Variants in PCDH15 observed in about 807,000 individuals in gnomAD.
PCDH15 encodes the protein protocadherin-15.
Under a neutral mutation model 178.5 loss-of-function variants are expected in PCDH15, and 129 were observed. That is an observed-to-expected ratio of 0.72 (90% CI 0.63 to 0.84). The LOEUF (loss-of-function observed/expected upper bound fraction) is 0.84. Ranked by LOEUF, PCDH15 falls within the 40% of genes least tolerant of loss-of-function variation. The pLI, the probability that PCDH15 is intolerant of heterozygous loss-of-function variation, is 0.00. For missense variants in PCDH15, 2,230 were observed against 2,099.9 expected (o/e 1.06, Z -1.21); for synonymous variants, 800 against 732.0 (o/e 1.09, Z -1.50).
At chr10:54,129,785 G>A (rs1366088890) in intron 15 of PCDH15, among the ~76,000 whole-genome samples, 1 of 152,050 alleles carries the variant, frequency 6.6e-6, no homozygotes, top group African/African-American at 2.4e-5. Context: ...CAAAAGGTTG[G>A]CTCTCCAAAT....
rs1026377740 is a variant in PCDH15, at chr10:55,357,632, A to G, written c.-155-190981T>C. On this transcript the variant is annotated intron_variant, in intron 2 of 5. Coordinates refer to the PCDH15 transcript ENST00000613346. ...AAATGCTCTTTGTAGTATCTAGCACATAACTACTTCTAATAAATTGTAGCA... is the reference window on the plus strand; with the variant it reads ...AAATGCTCTTTGTAGTATCTAGCACGTAACTACTTCTAATAAATTGTAGCA... Among the ~76,000 whole-genome samples, 4 of 152,064 alleles carry G rather than the reference A, an allele frequency of 2.6e-5. No individual in the cohort carries two copies. The South Asian group carries it at 6.2e-4, about 24-fold the overall frequency.
At chr10:54,541,667 G>T (rs892969502) in intron 2 of PCDH15, among the ~76,000 whole-genome samples, 3 of 150,254 alleles carry the variant, frequency 2.0e-5, no homozygotes, top group African/African-American at 7.3e-5. Flanking sequence ...GAAAGGAAAA[G>T]GATAATATTT....
chr10:55,388,834 G>C (rs548984858), intron 2 of PCDH15, among the ~76,000 whole-genome samples: 2 of 151,986 alleles, frequency 1.3e-5, no homozygotes, highest in Non-Finnish European at 2.9e-5. Flanking sequence ...TTTAGTTTGT[G>C]GGAATATATT....
intron 1 of PCDH15, among the ~76,000 whole-genome samples, chr10:54,735,988 C>T (rs1038934864): frequency 6.0e-5 from 9 of 148,768 alleles, no homozygotes; most frequent in Admixed American, 6.8e-5. Context: ...GCACAATGTG[C>T]ACATGTACCC....
chr10:54,853,368 T>A (rs201797688), intron 3 of PCDH15, among the ~76,000 whole-genome samples: 1 of 93,698 alleles, frequency 1.1e-5, no homozygotes. Context: ...CACACACACA[T>A]ATATATATAC....
chr10:54,289,773 G>C (rs545644057), intron 8 of PCDH15, among the ~76,000 whole-genome samples: 1 of 152,220 alleles, frequency 6.6e-6, no homozygotes, highest in East Asian at 1.9e-4. Context: ...TGGCCAATTC[G>C]ATCAAGTGAA....
intron 2 of PCDH15, among the ~76,000 whole-genome samples, chr10:55,043,201 CAATA>C (rs1481926099): frequency 1.3e-5 from 2 of 152,048 alleles, no homozygotes; most frequent in East Asian, 3.9e-4. Flanking sequence ...GCATGGAAGC[CAATA>C]AATTTCCATA....
chr10:53,840,119 T>A (rs2077549845), intron 29 of PCDH15, among the ~76,000 whole-genome samples: 1 of 152,144 alleles, frequency 6.6e-6, no homozygotes, highest in South Asian at 2.1e-4. Context: ...AAATGGGCCC[T>A]CTGAAGTCAC....
At chr10:55,478,786 C>A (rs567624485) in intron 2 of PCDH15, among the ~76,000 whole-genome samples, 1 of 150,134 alleles carries the variant, frequency 6.7e-6, no homozygotes, top group Middle Eastern at 3.4e-3. Context: ...TAAATTCAGG[C>A]GCGAAAAAGG....
chr10:55,215,577 G>A (rs1357777503), intron 1 of PCDH15, among the ~76,000 whole-genome samples: 1 of 151,992 alleles, frequency 6.6e-6, no homozygotes, highest in East Asian at 1.9e-4. Context: ...GACTGTATTA[G>A]GTAGAGGGGA....
At chr10:53,861,233 G>C (rs2079089670) in intron 27 of PCDH15, among the ~76,000 whole-genome samples, 1 of 152,096 alleles carries the variant, frequency 6.6e-6, no homozygotes, top group Admixed American at 6.6e-5. Context: ...CCAGAAATTT[G>C]CATGTCAGTT....
At chr10:54,769,683 G>A (rs1452289558) in intron 1 of PCDH15, among the ~76,000 whole-genome samples, 3 of 151,964 alleles carry the variant, frequency 2.0e-5, no homozygotes, top group Non-Finnish European at 4.4e-5. Context: ...CCATCTTTGG[G>A]AAGTAGTTGT....
intron 17 of PCDH15, among the ~76,000 whole-genome samples, chr10:54,070,418 G>C (rs553811885): frequency 3.9e-4 from 60 of 152,324 alleles, no homozygotes; most frequent in Non-Finnish European, 7.2e-4. Context: ...TGGCCAGGCT[G>C]ATCTTGAACT....
chr10:53,860,726 A>C (rs2079052295), intron 27 of PCDH15, among the ~76,000 whole-genome samples: 1 of 26,336 alleles, frequency 3.8e-5, no homozygotes, highest in East Asian at 0.1. Flanking sequence ...CTCTGTCTCA[A>C]AAAAAAAAAA....
intron 27 of PCDH15, among the ~76,000 whole-genome samples, chr10:53,863,501 T>G (rs1267976617): frequency 6.6e-6 from 1 of 151,656 alleles, no homozygotes; most frequent in East Asian, 1.9e-4. Context: ...TTTGGAAGAG[T>G]GTTTGGAGAG....
At chr10:53,879,936 GCCA>G (rs1204944901) in intron 26 of PCDH15, among the ~76,000 whole-genome samples, 2 of 152,202 alleles carry the variant, frequency 1.3e-5, no homozygotes, top group Non-Finnish European at 2.9e-5. Flanking sequence ...ACAGGCTTGA[GCCA>G]TCGCGGCTAG....
chr10:55,455,597 GATT>G (rs1565157219), intron 2 of PCDH15, among the ~76,000 whole-genome samples: 2 of 83,626 alleles, frequency 2.4e-5, no homozygotes, highest in African/African-American at 7.3e-5. Flanking sequence ...TGCTGTGATA[GATT>G]ATTAATTGAA....
At chr10:54,910,447 GAT>G (rs1368139094) in intron 2 of PCDH15, among the ~76,000 whole-genome samples, 1 of 152,122 alleles carries the variant, frequency 6.6e-6, no homozygotes, top group Non-Finnish European at 1.5e-5. Context: ...TTTAAAAAGA[GAT>G]ATTTTCTTAG....
intron 29 of PCDH15, among the ~76,000 whole-genome samples, chr10:53,832,831 C>A (rs2077089610): frequency 6.6e-6 from 1 of 151,946 alleles, no homozygotes; most frequent in African/African-American, 2.4e-5. Context: ...ACACACTGTT[C>A]ATTGCTTAAA....
Sources: allele counts gnomAD v4.1 joint callset (sites outside exome capture counted in the v4.1 genomes callset), GRCh38; gene constraint gnomAD v4.1.1; transcripts MANE v1.5; gene names NCBI Gene and HGNC (gene_info 2026-07-23, HGNC 2026-07-21).